Variants in PLCB1 observed in about 807,000 individuals in gnomAD.
PLCB1 encodes phospholipase C beta 1, also known as 1-phosphatidylinositol 4,5-bisphosphate phosphodiesterase beta-1.
In PLCB1, 46 loss-of-function variants were observed where a neutral mutation model predicts 161.8. The ratio of observed to expected loss-of-function variants is 0.28; its 90% CI spans 0.22 to 0.36. The LOEUF is 0.36. Among genes scored for constraint, PLCB1 ranks in the 10% least tolerant of loss-of-function variants. The pLI, the probability that PLCB1 is intolerant of heterozygous loss-of-function variation, is 1.00. For synonymous variants in PLCB1, 517 were observed against 503.7 expected, an observed-to-expected ratio of 1.03 and a Z score of -0.35; for missense variants, 1,016 against 1,472.5, an observed-to-expected ratio of 0.69 and a Z score of 5.07.
intron 19 of PLCB1, among the ~76,000 whole-genome samples, chr20:8,735,107 TGATAAA>T (rs1242080365): frequency 3.9e-5 from 6 of 152,236 alleles, no homozygotes; most frequent in African/African-American, 1.4e-4. Context: ...CTGTCAGGTG[TGATAAA>T]GATAAACTCA....
chr20:8,684,886 C>T, intron 9 of PLCB1, 46 bp from the exon 10 acceptor site: 1 of 1,515,560 alleles, frequency 6.6e-7, no homozygotes, highest in Non-Finnish European at 9.0e-7. Context: ...GACTTGACAC[C>T]CATAAAAGAA....
At chr20:8,752,971 A>ATCTGTATTTATAGCTGC (rs150956180) in intron 23 of PLCB1, among the ~76,000 whole-genome samples, 86,856 of 151,766 alleles carry the variant, frequency 0.57, 25,322 homozygotes, top group South Asian at 0.7. Context: ...GCAAAGCTTC[A>ATCTGTATTTATAGCTGC]TCCCCATCAC....
At chr20:8,690,343 A>G (rs956970888) in intron 10 of PLCB1, among the ~76,000 whole-genome samples, 4 of 152,164 alleles carry the variant, frequency 2.6e-5, no homozygotes, top group Admixed American at 6.5e-5. Flanking sequence ...AGGATGGGAC[A>G]TATTTCTCAA....
chr20:8,579,490 G>A (rs767866110), intron 3 of PLCB1, among the ~76,000 whole-genome samples: 1 of 152,214 alleles, frequency 6.6e-6, no homozygotes, highest in Non-Finnish European at 1.5e-5. Flanking sequence ...TACATGTTGG[G>A]TTAGTTCGTT....
chr20:8,289,792 A>G (rs755029561), intron 2 of PLCB1, among the ~76,000 whole-genome samples: 2 of 152,208 alleles, frequency 1.3e-5, no homozygotes, highest in Non-Finnish European at 2.9e-5. Context: ...AGACTGTTCC[A>G]CTGTCAGTTT....
At chr20:8,535,105 T>TAAAAAA (rs10560220) in intron 3 of PLCB1, among the ~76,000 whole-genome samples, 2 of 108,318 alleles carry the variant, frequency 1.8e-5, no homozygotes, top group Admixed American at 2.1e-4. Context: ...AGTTTTAAAG[T>TAAAAAA]AAAAAAAAAA....
chr20:8,137,501 A>G (rs2051361295), intron 1 of PLCB1, among the ~76,000 whole-genome samples: 1 of 152,222 alleles, frequency 6.6e-6, no homozygotes, highest in Admixed American at 6.5e-5. Context: ...TTCTTGTCCA[A>G]AGAGCTTTGA....
chr20:8,555,967 C>A (rs1985938636), intron 3 of PLCB1, among the ~76,000 whole-genome samples: 1 of 132,260 alleles, frequency 7.6e-6, no homozygotes, highest in Non-Finnish European at 1.6e-5. Context: ...GAAAGAGACA[C>A]TTAGTCAGAA....
rs141873385 is a variant in PLCB1 at position 8,827,912 on chromosome 20, G to A, written c.3423+37651G>A. On this transcript the variant is annotated intron_variant, in intron 31 of 31. Transcript: ENST00000338037. ...TTGTCTATGTGTTCACACTACAACA[G>A]CTGCATTGAGTAGTTGTGACAGAGA... Among the ~76,000 whole-genome samples the A allele has an allele frequency of 3.1e-4, 47 of 152,228 alleles. 1 individual carries two copies. The highest frequency in any genetic ancestry group is 7.3e-5 in the Non-Finnish European group (5 of 68,038).
intron 26 of PLCB1, among the ~76,000 whole-genome samples, chr20:8,768,831 A>G (rs531004493): frequency 6.8e-4 from 103 of 152,332 alleles, no homozygotes; most frequent in Non-Finnish European, 1.1e-3. Context: ...TTCTATCTCT[A>G]TACAACAAAA....
intron 2 of PLCB1, among the ~76,000 whole-genome samples, chr20:8,172,854 G>C (rs903835641): frequency 6.6e-6 from 1 of 152,144 alleles, no homozygotes; most frequent in Non-Finnish European, 1.5e-5. Flanking sequence ...ATGGGGCAGG[G>C]TATCTTATGT....
intron 10 of PLCB1, among the ~76,000 whole-genome samples, chr20:8,697,091 C>T (rs1990600723): frequency 6.6e-6 from 1 of 152,164 alleles, no homozygotes; most frequent in Non-Finnish European, 1.5e-5. Flanking sequence ...CTTTTCTCAG[C>T]ATTTGTGCCT....
At chr20:8,547,754 G>A (rs148859873) in intron 3 of PLCB1, among the ~76,000 whole-genome samples, 16 of 152,246 alleles carry the variant, frequency 1.1e-4, no homozygotes, top group African/African-American at 3.6e-4. Context: ...AATGTTTCCA[G>A]ATTAACTAGT....
At chr20:8,739,842 A>T (rs888607075) in intron 21 of PLCB1, among the ~76,000 whole-genome samples, 3 of 152,190 alleles carry the variant, frequency 2.0e-5, no homozygotes, top group Admixed American at 2.0e-4. Flanking sequence ...TATACTGTTG[A>T]CTAAAGCAGA....
intron 7 of PLCB1, among the ~76,000 whole-genome samples, chr20:8,653,939 G>A (rs1989384680): frequency 6.6e-6 from 1 of 152,050 alleles, no homozygotes. Context: ...AATGCCAACT[G>A]CATAGAGTTG....
intron 3 of PLCB1, among the ~76,000 whole-genome samples, chr20:8,600,388 G>C (rs963374786): frequency 7.8e-6 from 1 of 128,434 alleles, no homozygotes; most frequent in Non-Finnish European, 1.7e-5. Context: ...CCCTGCTGGG[G>C]GGTGCCTCCC....
intron 2 of PLCB1, among the ~76,000 whole-genome samples, chr20:8,164,941 T>C (rs1267930123): frequency 1.3e-5 from 2 of 152,204 alleles, no homozygotes; most frequent in Non-Finnish European, 2.9e-5. Context: ...GACTGACACA[T>C]TGGACAATCA....
chr20:8,424,893 C>T (rs1337921982), intron 3 of PLCB1, among the ~76,000 whole-genome samples: 2 of 152,104 alleles, frequency 1.3e-5, no homozygotes, highest in Non-Finnish European at 2.9e-5. Context: ...TGGACTCGAG[C>T]CACAAGCAGC....
At chr20:8,306,173 G>C (rs958340824) in intron 2 of PLCB1, among the ~76,000 whole-genome samples, 9 of 152,180 alleles carry the variant, frequency 5.9e-5, no homozygotes, top group Non-Finnish European at 8.8e-5. Flanking sequence ...TTGCTTCACT[G>C]GGTTGCACTT....
Sources: allele counts gnomAD v4.1 joint callset (sites outside exome capture counted in the v4.1 genomes callset), GRCh38; gene constraint gnomAD v4.1.1; transcripts MANE v1.5; gene names NCBI Gene and HGNC (gene_info 2026-07-23, HGNC 2026-07-21).